The following GTF3C1 variants were observed in gnomAD, a reference collection of about 807,000 sequenced individuals.
GTF3C1 encodes general transcription factor 3C polypeptide 1.
Under a neutral mutation model 226.7 loss-of-function variants are expected in GTF3C1, and 57 were observed. That is an observed-to-expected ratio of 0.25 (90% CI 0.20 to 0.31). GTF3C1 has a LOEUF of 0.31. Ranked by LOEUF, GTF3C1 falls within the 10% of genes least tolerant of loss-of-function variation. GTF3C1 has a pLI of 1.00. For synonymous variants in GTF3C1, 1,090 were observed against 1,084.8 expected (o/e 1.00, Z -0.09); for missense variants, 2,217 against 2,776.1 (o/e 0.80, Z 4.53).
chr16:27,469,396 C>T lies in GTF3C1; in HGVS notation c.4969G>A (p.Val1657Ile), dbSNP rs754790856. ...TTGGGGTTGAGGTTGCGGGTGCTGA[C>T]GATGCCGGGGGAGTAGTAGCCCCTC... is the stretch of plus-strand genomic sequence containing the variant. ...LMRGYYSPGI[V>I]STRNLNPNDS... The change falls in exon 32 of 37, where the codon GTC (valine) becomes ATC (isoleucine). Residue 1657 changes from valine (V) to isoleucine (I), a missense_variant. Val to Ile is a conservative substitution (Grantham distance 29). Transcript: ENST00000356183. This position sits in a 1 kb window ranked among gnomAD's most constrained non-coding sequence, Gnocchi z 4.5. 6 of 1,613,538 alleles carry T rather than the reference C, an allele frequency of 3.7e-6. No homozygotes were observed. The highest frequency in any genetic ancestry group is 2.2e-5 in the East Asian group (1 of 44,880).
chr16:27,510,627 C>T (rs2088558440), intron 7 of GTF3C1, among the ~76,000 whole-genome samples: 1 of 152,176 alleles, frequency 6.6e-6, no homozygotes, highest in African/African-American at 2.4e-5. Context: ...TGAGGGACGT[C>T]AAGGGAGCTA....
At chr16:27,532,568 C>T (rs974224138) in intron 5 of GTF3C1, among the ~76,000 whole-genome samples, 3 of 152,132 alleles carry the variant, frequency 2.0e-5, no homozygotes, top group Non-Finnish European at 4.4e-5. Context: ...GCGCTCCCTT[C>T]GCCACAGCCT....
At chr16:27,478,237 C>T (rs753569167) in intron 28 of GTF3C1, among the ~76,000 whole-genome samples, 7 of 152,022 alleles carry the variant, frequency 4.6e-5, no homozygotes, top group Non-Finnish European at 8.8e-5. Context: ...AGGGGGTCGG[C>T]GTCCCCTTAC....
At chr16:27,538,521 T>TA (rs1658567315) in intron 2 of GTF3C1, among the ~76,000 whole-genome samples, 165 bp from the exon 3 acceptor site, 3 of 152,180 alleles carry the variant, frequency 2.0e-5, no homozygotes, top group African/African-American at 7.2e-5. Context: ...TGTAGTGTGC[T>TA]AAAAAAGACA....
At chr16:27,532,977 T>C (rs957663708) in intron 5 of GTF3C1, among the ~76,000 whole-genome samples, 10 of 151,846 alleles carry the variant, frequency 6.6e-5, no homozygotes, top group African/African-American at 2.4e-4. Flanking sequence ...AACAAAGATA[T>C]GAAAATTAGC....
In GTF3C1 at chr16:27,464,507, G is replaced by A. The variant is rs139482772; in HGVS notation, c.5685C>T (p.Pro1895=). 11 of 1,524,934 alleles carry A rather than the reference G, an allele frequency of 7.2e-6. No individual in the cohort carries two copies. In the African/African-American group the frequency reaches 1.3e-4, roughly 18 times the overall value. The allele number at this position is 1,524,934 out of a possible 1,614,324, so 94.5% of individuals were successfully genotyped here. A position where few individuals can be genotyped will look rare whatever the true frequency, so the allele number is the denominator to read the frequency against. Residue 1895 remains proline, a synonymous_variant, in exon 34 of 37, where the codon CCC becomes CCT. Transcript: ENST00000356183. The part of the protein sequence containing the change: ...RPALQDSNLA[P]SLGPGAEDGA... ...CATCTTCAGCTCCGGGCCCAAGGCT[G>A]GGGGCCAAATTTGAGTCCTGGAGCG...
chr16:27,532,250 G>C (rs964283438), intron 5 of GTF3C1, among the ~76,000 whole-genome samples: 1 of 152,196 alleles, frequency 6.6e-6, no homozygotes, highest in African/African-American at 2.4e-5. Context: ...GCTTAGGCAG[G>C]CAGTGAATCT....
In GTF3C1 at chr16:27,461,779, G is replaced by A; in HGVS notation, c.6118-217C>T. The A allele has an allele frequency of 5.3e-6, 3 of 567,556 alleles. No homozygotes were observed. Among genetic ancestry groups the A allele is most frequent in the South Asian group, 4.5e-5 (2 of 43,978 alleles). 35.2% of individuals were successfully genotyped at this position (567,556 alleles called of 1,614,324 possible). On this transcript the variant is annotated intron_variant, in intron 36 of 36. Transcript: ENST00000356183. The surrounding 1 kb of genome is among the most constrained non-coding windows in gnomAD (Gnocchi z 5.3). ...GCTGCCTGAGCAGCACGTGTACAGC[G>A]CTGGCTGGAGCCACCACGCTGAATC...
rs1332849999 is a variant in GTF3C1, at chr16:27,497,805, G to T, written c.2182C>A (p.Pro728Thr). ...TCTGCCTCCCCTTGGGGCACTGGAG[G>T]CTGGGAAGTTTTAACCCTGCAGTTC... ...STANRVKTSQ[P>T]PVPQGEAEED... The change falls in exon 14 of 37, where the codon CCT becomes ACT. Residue 728 changes from proline (P) to threonine (T), a missense_variant. Pro to Thr is a conservative substitution (Grantham distance 38, BLOSUM62 -1). Around this residue, in one of 12 missense-constraint regions of GTF3C1, gnomAD observed 100 missense variants for 139.9 expected, o/e 0.71. Coordinates refer to ENST00000356183, the MANE Select transcript of GTF3C1 (RefSeq NM_001520.4). 5 of 1,612,496 alleles carry T rather than the reference G, an allele frequency of 3.1e-6. No homozygotes were observed. The African/African-American group carries it at 6.7e-5, about 22-fold the overall frequency.
In GTF3C1 at chr16:27,460,656, C is replaced by T. The variant is rs1275744151; in HGVS notation, c.*694G>A. The T allele has an allele frequency of 6.6e-6, 1 of 152,002 alleles. No homozygotes were observed. The highest frequency in any genetic ancestry group is 1.5e-5 in the Non-Finnish European group (1 of 67,990). 9.4% of individuals were successfully genotyped at this position (152,002 alleles called of 1,614,324 possible). A position where few individuals can be genotyped will look rare whatever the true frequency, so the allele number is the denominator to read the frequency against. Reference sequence around the variant, plus strand: ...AATCAAAAAATAAATAAGTACACTCCACAGGGACTTTTTTTTTTTAATGAG... The same window carrying T: ...AATCAAAAAATAAATAAGTACACTCTACAGGGACTTTTTTTTTTTAATGAG... On this transcript the variant is annotated 3_prime_UTR_variant, in exon 37 of 37. Transcript: ENST00000356183.
chr16:27,491,361 C>T (rs1217166302), intron 19 of GTF3C1, among the ~76,000 whole-genome samples: 1 of 152,174 alleles, frequency 6.6e-6, no homozygotes, highest in Non-Finnish European at 1.5e-5. Context: ...AAAAGCACTG[C>T]AGGGGAGGCT....
At chr16:27,508,838 A>C (rs1420186618) in intron 7 of GTF3C1, among the ~76,000 whole-genome samples, 183 bp from the exon 8 acceptor site, 1 of 152,194 alleles carries the variant, frequency 6.6e-6, no homozygotes, top group Non-Finnish European at 1.5e-5. Context: ...TCTGAGTAAT[A>C]TACTATACTA....
At chr16:27,511,650 A>G in intron 7 of GTF3C1, 99 bp downstream of exon 7, 1 of 1,290,282 alleles carries the variant, frequency 7.8e-7, no homozygotes. Flanking sequence ...ATTGTATTAC[A>G]TTCTCTATAG....
intron 7 of GTF3C1, among the ~76,000 whole-genome samples, chr16:27,508,911 C>T (rs1485604572): frequency 6.6e-6 from 1 of 152,156 alleles, no homozygotes; most frequent in Non-Finnish European, 1.5e-5. Flanking sequence ...CGTTAAAACA[C>T]TAAATGTCAG....
chr16:27,476,078 G>T (rs558691556), intron 29 of GTF3C1, among the ~76,000 whole-genome samples: 1 of 152,268 alleles, frequency 6.6e-6, no homozygotes, highest in South Asian at 2.1e-4. Flanking sequence ...TCACAGCTTG[G>T]TAATGACAGG....
chr16:27,487,482 G>C (rs1294539627), intron 23 of GTF3C1, among the ~76,000 whole-genome samples: 1 of 152,210 alleles, frequency 6.6e-6, no homozygotes, highest in African/African-American at 2.4e-5. Flanking sequence ...CACCGCACAA[G>C]GGGTGCATCA....
intron 10 of GTF3C1, among the ~76,000 whole-genome samples, chr16:27,504,673 T>A (rs986566399): frequency 1.3e-5 from 2 of 152,290 alleles, no homozygotes; most frequent in East Asian, 3.9e-4. Context: ...CCCAGCACTT[T>A]GGGAGGCTAA....
rs757346757 is a variant in GTF3C1, at chr16:27,478,464, C to G, written c.4259+5G>C. Reference sequence around the variant, plus strand: ...GGAAAAGCTACTCTATATATCAGTACTTACCTGTTAAGTTCATCCTCTTTC... The same window carrying G: ...GGAAAAGCTACTCTATATATCAGTAGTTACCTGTTAAGTTCATCCTCTTTC... On this transcript the variant is annotated splice_donor_5th_base_variant and intron_variant, in intron 28 of 36. Coordinates refer to ENST00000356183, the MANE Select transcript of GTF3C1 (RefSeq NM_001520.4). 111 of 1,579,092 alleles carry G rather than the reference C, an allele frequency of 7.0e-5. No homozygotes were observed. The highest frequency in any genetic ancestry group is 9.0e-5 in the Non-Finnish European group (103 of 1,148,274).
intron 7 of GTF3C1, among the ~76,000 whole-genome samples, chr16:27,510,302 C>T (rs891241313): frequency 6.6e-6 from 1 of 151,974 alleles, no homozygotes; most frequent in African/African-American, 2.4e-5. Context: ...AGGAGAATGG[C>T]GTGAACCCAG....
Sources: allele counts gnomAD v4.1 joint callset (sites outside exome capture counted in the v4.1 genomes callset), GRCh38; gene constraint gnomAD v4.1.1; regional missense constraint gnomAD v4.1.1; non-coding constraint Gnocchi (gnomAD v3.1); transcripts MANE v1.5; gene names NCBI Gene and HGNC (gene_info 2026-07-23, HGNC 2026-07-21).